TCF3: variants seen among roughly 807,000 people sequenced by gnomAD.
TCF3 encodes transcription factor 3, also known as transcription factor E2-alpha.
In TCF3, 54 loss-of-function variants were observed where a neutral mutation model predicts 72.3. That is an observed-to-expected ratio of 0.75 (90% CI 0.60 to 0.94). The LOEUF (loss-of-function observed/expected upper bound fraction) is 0.94, where lower values mean the gene tolerates loss of function less well. Ranked by LOEUF, TCF3 falls within the 40% of genes least tolerant of loss-of-function variation. The probability of loss-of-function intolerance (pLI) is 0.00; values close to 1 mark genes in which losing one functional copy is unlikely to be tolerated. For missense variants in TCF3, 1,078 were observed against 934.4 expected, an observed-to-expected ratio of 1.15 and a Z score of -2.00; for synonymous variants, 525 against 412.6, an observed-to-expected ratio of 1.27 and a Z score of -3.30.
chr19:1,625,181 A>G (rs1425645464), intron 7 of TCF3, among the ~76,000 whole-genome samples: 2 of 152,208 alleles, frequency 1.3e-5, no homozygotes, highest in Non-Finnish European at 2.9e-5. Flanking sequence ...GGGTAGTTCA[A>G]GGCGCCGTCC....
chr19:1,621,525 G>C (rs1244907974), intron 11 of TCF3, among the ~76,000 whole-genome samples: 1 of 151,462 alleles, frequency 6.6e-6, no homozygotes, highest in Non-Finnish European at 1.5e-5. Flanking sequence ...CTCTGGGCCT[G>C]GGTGGGTGAG....
At position 1,639,378 on chromosome 19, in the gene TCF3, G is replaced by A. The variant is rs2064914533; in HGVS notation, c.146-6973C>T. On this transcript the variant is annotated intron_variant, in intron 3 of 18. Coordinates refer to ENST00000262965, the MANE Select transcript of TCF3 (RefSeq NM_003200.5). ...ATTTTTTTGTTGTTGACAATGGCTCGACCCACAACGAAATCCCACTGTCTC... is the reference window on the plus strand; with the variant it reads ...ATTTTTTTGTTGTTGACAATGGCTCAACCCACAACGAAATCCCACTGTCTC... Among the ~76,000 whole-genome samples, 4 of 152,052 alleles carry A rather than the reference G, an allele frequency of 2.6e-5. No individual in the cohort carries two copies. The Middle Eastern group carries it at 0.01, about 388-fold the overall frequency.
intron 5 of TCF3, chr19:1,631,815 T>A: frequency 1.6e-6 from 2 of 1,215,334 alleles, no homozygotes; most frequent in Non-Finnish European, 1.1e-6. Context: ...GCCTCTACGC[T>A]CAGGCGGGGA....
rs531709365 is a variant in TCF3 at position 1,612,636 on chromosome 19, G to A, written c.1823-787C>T. ...TACATTGGTGGGCACAGCAGTGTGG[G>A]TACACGGCTGGTGTTGGTGTGGGCA... On this transcript the variant is annotated intron_variant, in intron 18 of 18. Transcript: ENST00000262965. 3.4e-4 allele frequency among the ~76,000 whole-genome samples: 51 copies of A among 151,648 alleles called. 1 individual carries two copies. In the South Asian group the frequency reaches 0.011, roughly 32 times the overall value.
chr19:1,639,924 T>C (rs1458147123), intron 3 of TCF3, among the ~76,000 whole-genome samples: 1 of 151,736 alleles, frequency 6.6e-6, no homozygotes, highest in Non-Finnish European at 1.5e-5. Flanking sequence ...CACCAAAAAC[T>C]TTAGAAAGAG....
At chr19:1,619,080 G>A (rs768721499) in intron 16 of TCF3, 31 bp downstream of exon 16, 2 of 1,598,830 alleles carry the variant, frequency 1.3e-6, no homozygotes, top group Admixed American at 1.7e-5. Context: ...CTGGAACCAG[G>A]AGTCGGACAG....
At chr19:1,629,528 G>A (rs998599512) in intron 5 of TCF3, among the ~76,000 whole-genome samples, 15 of 152,112 alleles carry the variant, frequency 9.9e-5, no homozygotes, top group African/African-American at 3.4e-4. Context: ...GGAACAGCTG[G>A]CCAAGGCGAG....
At chr19:1,618,861 C>G (rs2061837131) in intron 16 of TCF3, among the ~76,000 whole-genome samples, 2 of 152,234 alleles carry the variant, frequency 1.3e-5, no homozygotes, top group South Asian at 4.1e-4. Flanking sequence ...TGAGCGCTGC[C>G]AGGCACACAG....
At chr19:1,650,394 C>A (rs2066831317) in intron 1 of TCF3, 107 bp from the exon 2 acceptor site, 1 of 823,950 alleles carries the variant, frequency 1.2e-6, no homozygotes, top group Non-Finnish European at 1.9e-6. Flanking sequence ...AAACCCTCAA[C>A]CGCCCTGGGG....
At chr19:1,652,207 C>G (rs938825992) in intron 1 of TCF3, 93 bp downstream of exon 1, 1 of 148,932 alleles carries the variant, frequency 6.7e-6, no homozygotes, top group African/African-American at 2.5e-5. Flanking sequence ...CCTCCGCGCC[C>G]CCCCCCAACA....
intron 2 of TCF3, among the ~76,000 whole-genome samples, chr19:1,648,767 GA>G (rs1363731920): frequency 1.3e-5 from 2 of 149,642 alleles, no homozygotes; most frequent in Non-Finnish European, 3.0e-5. Context: ...AATTCAGACT[GA>G]AAGTGCCCTC....
chr19:1,652,158 G>T (rs1413314125), intron 1 of TCF3, 142 bp downstream of exon 1: 7 of 147,948 alleles, frequency 4.7e-5, no homozygotes, highest in Admixed American at 4.7e-4. Context: ...TGACTCCCGG[G>T]CCGCGGGGCG....
chr19:1,618,222 C>T (rs1332829453), intron 16 of TCF3, among the ~76,000 whole-genome samples: 1 of 152,108 alleles, frequency 6.6e-6, no homozygotes. Context: ...CTTCTCTCAC[C>T]CTCAAGTCCT....
chr19:1,619,617 CG>C, intron 14 of TCF3, 143 bp from the exon 15 acceptor site: 2 of 1,325,666 alleles, frequency 1.5e-6, no homozygotes, highest in Non-Finnish European at 2.0e-6. Flanking sequence ...ATCTGGCGCC[CG>C]GGAGCACACA....
chr19:1,650,774 G>A (rs1367944210), intron 1 of TCF3: 1 of 231,748 alleles, frequency 4.3e-6, no homozygotes, highest in Non-Finnish European at 8.5e-6. Context: ...ACAGCCCGTT[G>A]AAGACCAGGT....
rs764890952 is a variant in TCF3, at chr19:1,611,861, G to A, written c.1823-12C>T. On this transcript the variant is annotated splice_polypyrimidine_tract_variant and intron_variant, in intron 18 of 18. Coordinates refer to ENST00000262965, the MANE Select transcript of TCF3 (RefSeq NM_003200.5). ...ATTCAGGTTCCGCTCTGGAGGGAGGGGGGAGAGCTCTGTGGGAGACGGTCC... is the reference window on the plus strand; with the variant it reads ...ATTCAGGTTCCGCTCTGGAGGGAGGAGGGAGAGCTCTGTGGGAGACGGTCC... 15 of 1,604,716 alleles carry A rather than the reference G, an allele frequency of 9.3e-6. No homozygotes were observed. Among genetic ancestry groups the A allele is most frequent in the African/African-American group, 4.1e-5 (3 of 74,012 alleles).
chr19:1,622,142 G>T lies in TCF3; in HGVS notation c.734C>A (p.Ser245Tyr). The change falls in exon 10 of 19, where the codon TCC (serine) becomes TAC (tyrosine). Residue 245 changes from serine to tyrosine, a missense_variant. Physicochemically the swap from Ser to Tyr is moderately radical, Grantham distance 144. Coordinates refer to ENST00000262965, the MANE Select transcript of TCF3 (RefSeq NM_003200.5). ...GFGPMLGGGS[S>Y]PLPLPPGSGP... ...GCTACCGGGCGGGAGGGGCAGCGGG[G>T]ATGAGCCCCCACCCAGCATGGGCCC... 6.3e-7 allele frequency: 1 copy of T among 1,587,012 alleles called. No individual in the cohort carries two copies. Among genetic ancestry groups the T allele is most frequent in the Non-Finnish European group, 8.6e-7 (1 of 1,169,084 alleles).
intron 11 of TCF3, among the ~76,000 whole-genome samples, chr19:1,621,579 G>A (rs2062222098): frequency 6.6e-6 from 1 of 151,956 alleles, no homozygotes; most frequent in Non-Finnish European, 1.5e-5. Flanking sequence ...CTGACCCTGG[G>A]TGGGTGAGTC....
At position 1,632,198 on chromosome 19, in the gene TCF3, GA is replaced by G. The variant is rs3214262; in HGVS notation, c.220-83del. 12,415 of 1,560,240 alleles carry G rather than the reference GA, an allele frequency of 8.0e-3. 757 individuals are homozygous for G. In the East Asian group the frequency reaches 0.12, roughly 15 times the overall value. On this transcript the variant is annotated intron_variant, in intron 4 of 18. Transcript: ENST00000262965. ...CCCCGCATTACAGCTGGAGAGGCAG[GA>G]CTCAAACCCATGTCCCCCAGTCCAA...
Sources: gnomAD v4.1 joint callset for allele counts (sites outside exome capture counted in the v4.1 genomes callset) on GRCh38, gnomAD v4.1.1 for gene constraint, MANE v1.5 for transcripts, NCBI Gene and HGNC (gene_info 2026-07-23, HGNC 2026-07-21) for gene names.